The following NFATC1 variants were observed in gnomAD, a reference collection of about 807,000 sequenced individuals.
NFATC1 encodes nuclear factor of activated T-cells, cytoplasmic 1.
NFATC1 carries 22 observed loss-of-function variants against 76.0 expected under a neutral mutation model. The observed-to-expected ratio is 0.29, with a 90% CI of 0.21 to 0.41. The LOEUF (loss-of-function observed/expected upper bound fraction) is 0.41. Ranked by LOEUF, NFATC1 falls within the 10% of genes least tolerant of loss-of-function variation. NFATC1 has a pLI of 1.00. For missense variants in NFATC1, 1,357 were observed against 1,337.7 expected (o/e 1.01, Z -0.23); for synonymous variants, 704 against 613.1 (o/e 1.15, Z -2.19).
chr18:79,455,786 G>GCCCCATCCCACGGCCT (rs1269448239), intron 6 of NFATC1, among the ~76,000 whole-genome samples: 1 of 28,294 alleles, frequency 3.5e-5, no homozygotes, highest in South Asian at 9.3e-4. Context: ...TCCCACGGCC[G>GCCCCATCCCACGGCCT]CCCCATCCCA....
In NFATC1 at chr18:79,446,527, A is replaced by G. The variant is rs1327373867; in HGVS notation, c.1387-2255A>G. On this transcript the variant is annotated intron_variant, in intron 3 of 9. Transcript: ENST00000427363. ...CCTCTTAATCTGCTTTTCTTTTTACATTTCCCATCATAAAGATGTTTGAGT... is the reference window on the plus strand; with the variant it reads ...CCTCTTAATCTGCTTTTCTTTTTACGTTTCCCATCATAAAGATGTTTGAGT... Among the ~76,000 whole-genome samples the G allele has an allele frequency of 2.0e-5, 3 of 152,004 alleles. No homozygotes were observed. In the South Asian group the frequency reaches 6.2e-4, roughly 32 times the overall value.
intron 3 of NFATC1, among the ~76,000 whole-genome samples, chr18:79,442,888 G>C (rs990853194): frequency 6.6e-6 from 1 of 151,802 alleles, no homozygotes; most frequent in Non-Finnish European, 1.5e-5. Context: ...ACTCCCACCC[G>C]GACAGCAGCA....
At chr18:79,445,162 C>T (rs1474896681) in intron 3 of NFATC1, among the ~76,000 whole-genome samples, 1 of 152,220 alleles carries the variant, frequency 6.6e-6, no homozygotes, top group African/African-American at 2.4e-5. Flanking sequence ...TAAAGTCTCC[C>T]TGGAGCATCA....
In NFATC1 at chr18:79,527,519, T is replaced by C. The variant is rs1307126917; in HGVS notation, c.2783-9T>C. 1.2e-6 allele frequency: 2 copies of C among 1,613,048 alleles called. No homozygotes were observed. Among genetic ancestry groups the C allele is most frequent in the Non-Finnish European group, 8.5e-7 (1 of 1,179,128 alleles). On this transcript the variant is annotated splice_polypyrimidine_tract_variant and intron_variant, in intron 9 of 9. Coordinates refer to ENST00000427363, the MANE Select transcript of NFATC1 (RefSeq NM_001278669.2). ...CTCTAATACTTTCTCAATTTTTCTT[T>C]TCTTACAGTAAATGAAATAATACGA...
intron 2 of NFATC1, among the ~76,000 whole-genome samples, chr18:79,419,497 G>T (rs974722718): frequency 1.3e-5 from 2 of 148,934 alleles, no homozygotes; most frequent in Non-Finnish European, 3.0e-5. Flanking sequence ...AGGAGGGCCG[G>T]CACCTGCCTG....
intron 1 of NFATC1, among the ~76,000 whole-genome samples, chr18:79,397,087 C>T (rs1281433064): frequency 1.3e-5 from 2 of 152,134 alleles, no homozygotes; most frequent in Non-Finnish European, 2.9e-5. Context: ...GTGTGGGGGG[C>T]GCTGAGACCC....
chr18:79,516,704 TAAAA>T (rs1205006780), intron 9 of NFATC1, among the ~76,000 whole-genome samples: 1 of 152,168 alleles, frequency 6.6e-6, no homozygotes, highest in Non-Finnish European at 1.5e-5. Context: ...CTCAAAAAAT[TAAAA>T]AACCCACATG....
chr18:79,511,310 C>A (rs1202569096), intron 9 of NFATC1, among the ~76,000 whole-genome samples: 2 of 152,216 alleles, frequency 1.3e-5, no homozygotes, highest in Non-Finnish European at 2.9e-5. Flanking sequence ...TCTGCCTCCC[C>A]CCTCCCCGCT....
At chr18:79,495,306 CTT>C (rs2089849033) in intron 9 of NFATC1, among the ~76,000 whole-genome samples, 1 of 152,164 alleles carries the variant, frequency 6.6e-6, no homozygotes, top group Non-Finnish European at 1.5e-5. Context: ...GTTCTGGGCA[CTT>C]TTTTAAATTG....
Position 79,486,500 on chromosome 18 carries a change from G to A in NFATC1, c.2345G>A (p.Ser782Asn), listed in dbSNP as rs566025866. The change falls in exon 9 of 10, where the codon AGC becomes AAC. Residue 782 changes from serine (S) to asparagine (N), a missense_variant. Physicochemically the swap from Ser to Asn is conservative, Grantham distance 46. Transcript: ENST00000427363. The stretch of plus-strand genomic sequence containing the variant: ...GCTGCCTACACCAAGGGCGTTGCCA[G>A]CCCGGGCCACTGTCACCTCGGACTC... ...SPAAYTKGVA[S>N]PGHCHLGLPQ... 4 of 1,604,844 alleles carry A rather than the reference G, an allele frequency of 2.5e-6. No homozygotes were observed. The highest frequency in any genetic ancestry group is 1.3e-5 in the African/African-American group (1 of 75,032).
intron 2 of NFATC1, among the ~76,000 whole-genome samples, chr18:79,412,441 T>G (rs560598928): frequency 5.0e-4 from 76 of 151,648 alleles, no homozygotes; most frequent in East Asian, 1.4e-3. Flanking sequence ...TTTTGTTTTT[T>G]TTTTTTTTTC....
intron 2 of NFATC1, among the ~76,000 whole-genome samples, chr18:79,426,644 G>C (rs1412506405): frequency 4.6e-5 from 7 of 152,264 alleles, no homozygotes; most frequent in Admixed American, 3.9e-4. Flanking sequence ...GTCCTGGGGA[G>C]TGTTGCCGGG....
chr18:79,416,602 C>T (rs2148216465), intron 2 of NFATC1, among the ~76,000 whole-genome samples: 1 of 152,340 alleles, frequency 6.6e-6, no homozygotes, highest in Middle Eastern at 3.4e-3. Context: ...TTCCCGCTGC[C>T]ATCACCTCCT....
intron 9 of NFATC1, among the ~76,000 whole-genome samples, chr18:79,513,457 C>T (rs949975490): frequency 7.2e-5 from 11 of 152,264 alleles, no homozygotes; most frequent in African/African-American, 2.7e-4. Flanking sequence ...TCTGAGGACT[C>T]TGGGCTGTCC....
At chr18:79,491,832 G>A (rs535098380) in intron 9 of NFATC1, among the ~76,000 whole-genome samples, 21 of 152,190 alleles carry the variant, frequency 1.4e-4, no homozygotes, top group Non-Finnish European at 3.1e-4. Context: ...CGGGGACTCA[G>A]CCCCGGCCCC....
chr18:79,430,177 ACTTATT>A (rs1164146027), intron 2 of NFATC1, among the ~76,000 whole-genome samples: 1 of 152,240 alleles, frequency 6.6e-6, no homozygotes, highest in Non-Finnish European at 1.5e-5. Context: ...GTTTACACAA[ACTTATT>A]CTTATGTAAT....
At chr18:79,523,644 C>T (rs1450515059) in intron 9 of NFATC1, among the ~76,000 whole-genome samples, 1 of 152,172 alleles carries the variant, frequency 6.6e-6, no homozygotes, top group Non-Finnish European at 1.5e-5. Context: ...CTCCTTCACT[C>T]AATTCCAGAT....
intron 3 of NFATC1, among the ~76,000 whole-genome samples, chr18:79,434,113 G>A (rs1236505471): frequency 6.6e-6 from 1 of 152,234 alleles, no homozygotes; most frequent in East Asian, 1.9e-4. Flanking sequence ...AGAAATGCAG[G>A]TTCTGTGGCC....
intron 1 of NFATC1, among the ~76,000 whole-genome samples, chr18:79,407,122 C>T (rs1032824074): frequency 3.9e-5 from 6 of 152,250 alleles, no homozygotes; most frequent in Non-Finnish European, 5.9e-5. Context: ...TCAGATTCTC[C>T]TCGGAAACCT....
Sources: allele counts gnomAD v4.1 joint callset (sites outside exome capture counted in the v4.1 genomes callset), GRCh38; gene constraint gnomAD v4.1.1; transcripts MANE v1.5; gene names NCBI Gene and HGNC (gene_info 2026-07-23, HGNC 2026-07-21).